WWP2: variants seen among roughly 807,000 people sequenced by gnomAD.
WWP2 encodes NEDD4-like E3 ubiquitin-protein ligase WWP2.
Under a neutral mutation model 121.0 loss-of-function variants are expected in WWP2, and 57 were observed. The ratio of observed to expected loss-of-function variants is 0.47; its 90% CI spans 0.38 to 0.59. The LOEUF is 0.59. Among genes scored for constraint, WWP2 ranks in the 20% least tolerant of loss-of-function variants. The pLI, the probability that WWP2 is intolerant of heterozygous loss-of-function variation, is 0.00. For missense variants in WWP2, 962 were observed against 1,158.9 expected (o/e 0.83, Z 2.47); for synonymous variants, 449 against 441.3 (o/e 1.02, Z -0.22).
At chr16:69,764,300 G>T (rs577083290) in intron 1 of WWP2, among the ~76,000 whole-genome samples, 1 of 152,192 alleles carries the variant, frequency 6.6e-6, no homozygotes, top group South Asian at 2.1e-4. Context: ...GCCTGGGCTC[G>T]GGTGATCCTC....
chr16:69,939,209 A>AC, intron 22 of WWP2, 86 bp downstream of exon 22: 1 of 1,558,304 alleles, frequency 6.4e-7, no homozygotes. Flanking sequence ...TCCTGGAAGC[A>AC]CGTCAGTGGG....
intron 13 of WWP2, among the ~76,000 whole-genome samples, chr16:69,930,863 C>T (rs962361050): frequency 6.6e-6 from 1 of 152,132 alleles, no homozygotes; most frequent in Non-Finnish European, 1.5e-5. Flanking sequence ...CAGAGCAAGA[C>T]CCCGTCTCTA....
At position 69,908,846 on chromosome 16, in the gene WWP2, C is replaced by G. The variant is rs1314915081; in HGVS notation, c.1000C>G (p.Pro334Ala). The change falls in exon 9 of 24, where the codon CCA becomes GCA. Residue 334 changes from proline (P) to alanine (A), a missense_variant. Pro to Ala is a conservative substitution (Grantham distance 27, BLOSUM62 -1). Transcript: ENST00000359154. Reference protein sequence around the residue: ...KTTTWERPLPPGWEKRTDPRG... With the variant: ...KTTTWERPLPAGWEKRTDPRG... ...CACCACCTGGGAGCGGCCCCTTCCT[C>G]CAGGGTAGGTCATCAACTGAGAAGA... 9.3e-6 allele frequency: 15 copies of G among 1,614,182 alleles called. No homozygotes were observed. Among genetic ancestry groups the G allele is most frequent in the Non-Finnish European group, 1.3e-5 (15 of 1,180,030 alleles).
chr16:69,873,613 G>A lies in WWP2; in HGVS notation c.703+1682G>A, dbSNP rs536768121. On this transcript the variant is annotated intron_variant, in intron 7 of 23. Transcript: ENST00000359154. Reference sequence around the variant, plus strand: ...TGAAGGAGACAGCAAAGTGATGGCCGTGAGCCATAGTATAGAGAACCATAG... The same window carrying A: ...TGAAGGAGACAGCAAAGTGATGGCCATGAGCCATAGTATAGAGAACCATAG... 4.6e-5 allele frequency among the ~76,000 whole-genome samples: 7 copies of A among 152,356 alleles called. No individual in the cohort carries two copies. The East Asian group carries it at 1.3e-3, about 29-fold the overall frequency.
chr16:69,896,361 T>C (rs1358865859), intron 8 of WWP2, among the ~76,000 whole-genome samples: 3 of 152,170 alleles, frequency 2.0e-5, no homozygotes, highest in Non-Finnish European at 4.4e-5. Flanking sequence ...GCTCAAGCGA[T>C]CCTCCTATCT....
chr16:69,896,820 T>C (rs2058111908), intron 8 of WWP2, among the ~76,000 whole-genome samples: 1 of 151,994 alleles, frequency 6.6e-6, no homozygotes, highest in African/African-American at 2.4e-5. Flanking sequence ...ACCTGGATGA[T>C]TTCATGCAGT....
At chr16:69,817,511 A>G (rs897192957) in intron 4 of WWP2, among the ~76,000 whole-genome samples, 2 of 152,136 alleles carry the variant, frequency 1.3e-5, no homozygotes, top group African/African-American at 2.4e-5. Context: ...TGGCCTCCCA[A>G]AGTGCTGGGA....
chr16:69,864,940 T>A (rs960597442), intron 6 of WWP2, among the ~76,000 whole-genome samples: 2 of 151,948 alleles, frequency 1.3e-5, no homozygotes, highest in African/African-American at 4.8e-5. Flanking sequence ...CTGATAGATA[T>A]GTAATGATAT....
intron 2 of WWP2, among the ~76,000 whole-genome samples, chr16:69,791,338 C>T (rs1232747757): frequency 6.6e-6 from 1 of 152,028 alleles, no homozygotes; most frequent in Non-Finnish European, 1.5e-5. Context: ...AGCAATTCTC[C>T]TGCCTCAGCC....
At chr16:69,875,681 A>T (rs983785317) in intron 7 of WWP2, among the ~76,000 whole-genome samples, 3 of 152,244 alleles carry the variant, frequency 2.0e-5, no homozygotes, top group Admixed American at 2.0e-4. Flanking sequence ...GCTCATCCAT[A>T]AGACACAACT....
chr16:69,931,923 AC>A, intron 16 of WWP2, 33 bp downstream of exon 16: 1 of 1,588,158 alleles, frequency 6.3e-7, no homozygotes. Context: ...GCTGCCCTGT[AC>A]CCCGCTTCCC....
At chr16:69,829,792 G>A (rs994754326) in intron 4 of WWP2, among the ~76,000 whole-genome samples, 3 of 152,030 alleles carry the variant, frequency 2.0e-5, no homozygotes, top group African/African-American at 7.2e-5. Flanking sequence ...CTAAAAGCAG[G>A]GACAACGTCT....
Position 69,931,372 on chromosome 16 carries a change from G to A in WWP2, c.1522-137G>A, listed in dbSNP as rs2058709025. ...TCTAACCCGGAGCTGGCTGTCTCTA[G>A]GAAGCTAGTTTTCATTCCTAGGGCA... is the stretch of plus-strand genomic sequence containing the variant. On this transcript the variant is annotated intron_variant, in intron 14 of 23. Coordinates refer to ENST00000359154, the MANE Select transcript of WWP2 (RefSeq NM_001270454.2). The A allele has an allele frequency of 1.4e-5, 20 of 1,470,652 alleles. No individual in the cohort carries two copies. In the South Asian group the frequency reaches 2.4e-4, roughly 18 times the overall value. 91.1% of individuals were successfully genotyped at this position (1,470,652 alleles called of 1,614,324 possible).
chr16:69,809,780 GAGAGAGAGAC>G (rs2056352448), intron 4 of WWP2, among the ~76,000 whole-genome samples: 1 of 151,064 alleles, frequency 6.6e-6, no homozygotes, highest in African/African-American at 2.4e-5. Context: ...AAGAGAAAGA[GAGAGAGAGAC>G]AGAGAGAGAG....
intron 4 of WWP2, among the ~76,000 whole-genome samples, chr16:69,819,335 G>A (rs937165886): frequency 1.3e-5 from 2 of 152,038 alleles, no homozygotes; most frequent in Admixed American, 1.3e-4. Context: ...TGAGCCCACC[G>A]GCCCCCTGTG....
chr16:69,936,874 T>C (rs1051303681), intron 19 of WWP2: 1 of 519,556 alleles, frequency 1.9e-6, no homozygotes, highest in Admixed American at 3.4e-5. Context: ...TGAGGTTCAG[T>C]CGGCGCTGGG....
intron 4 of WWP2, among the ~76,000 whole-genome samples, chr16:69,823,407 ACTTCT>A (rs946347203): frequency 6.6e-6 from 1 of 151,610 alleles, no homozygotes; most frequent in Non-Finnish European, 1.5e-5. Context: ...AGACTGGGAA[ACTTCT>A]CTTCTTTTAT....
At chr16:69,769,734 A>G (rs1281038476) in intron 1 of WWP2, among the ~76,000 whole-genome samples, 2 of 152,214 alleles carry the variant, frequency 1.3e-5, no homozygotes, top group Non-Finnish European at 2.9e-5. Flanking sequence ...AGTAAGTACT[A>G]TTATTGGGTT....
chr16:69,888,364 G>A (rs764851757), intron 8 of WWP2, 115 bp downstream of exon 8: 4 of 1,135,712 alleles, frequency 3.5e-6, no homozygotes, highest in Non-Finnish European at 3.6e-6. Flanking sequence ...CTCTGGGGAG[G>A]CTGCTGTGCA....
Sources: gnomAD v4.1 joint callset for allele counts (sites outside exome capture counted in the v4.1 genomes callset) on GRCh38, gnomAD v4.1.1 for gene constraint, MANE v1.5 for transcripts, NCBI Gene and HGNC (gene_info 2026-07-23, HGNC 2026-07-21) for gene names.